KCNJ16: variants seen among roughly 807,000 people sequenced by gnomAD.
KCNJ16 encodes inward rectifier potassium channel 16.
A neutral mutation model predicts 18.5 loss-of-function variants in KCNJ16; 15 were observed. That is an observed-to-expected ratio of 0.81 (90% CI 0.54 to 1.25). KCNJ16 has a LOEUF of 1.25. Among genes scored for constraint, KCNJ16 ranks in the 50% most tolerant of loss-of-function variants. The pLI is 0.00. For synonymous variants in KCNJ16, 174 were observed against 186.5 expected, an observed-to-expected ratio of 0.93 and a Z score of 0.55; for missense variants, 523 against 525.7, an observed-to-expected ratio of 0.99 and a Z score of 0.05.
chr17:70,096,028 G>T (rs1042917195), intron 1 of KCNJ16, among the ~76,000 whole-genome samples: 1 of 151,412 alleles, frequency 6.6e-6, no homozygotes, highest in African/African-American at 2.4e-5. Flanking sequence ...GACTACAGGC[G>T]CCCACCACCA....
chr17:70,085,598 T>A (rs922364676), intron 1 of KCNJ16, among the ~76,000 whole-genome samples: 1 of 152,182 alleles, frequency 6.6e-6, no homozygotes, highest in Non-Finnish European at 1.5e-5. Flanking sequence ...CCTTTGTACA[T>A]AACTCCAAGT....
chr17:70,087,961 A>C (rs2071895076), intron 1 of KCNJ16, among the ~76,000 whole-genome samples: 1 of 140,280 alleles, frequency 7.1e-6, no homozygotes, highest in African/African-American at 2.7e-5. Flanking sequence ...GTTTGCAGTG[A>C]AGCCGAGATA....
chr17:70,126,698 T>C (rs978482405), intron 2 of KCNJ16, among the ~76,000 whole-genome samples: 1 of 152,230 alleles, frequency 6.6e-6, no homozygotes, highest in Non-Finnish European at 1.5e-5. Flanking sequence ...TTAGACTATT[T>C]ATTAGATTGG....
intron 1 of KCNJ16, among the ~76,000 whole-genome samples, chr17:70,076,042 A>G (rs8081626): frequency 0.85 from 129,850 of 151,896 alleles, 55,623 homozygotes; most frequent in East Asian, 0.99. Flanking sequence ...GTGAGCTTGT[A>G]AAACTTTGCT....
chr17:70,117,242 G>C (rs1037624039), intron 2 of KCNJ16, among the ~76,000 whole-genome samples: 1 of 152,144 alleles, frequency 6.6e-6, no homozygotes, highest in African/African-American at 2.4e-5. Flanking sequence ...AAAAGTGGAA[G>C]CTAAACATTG....
At chr17:70,105,319 T>G (rs1201980577) in intron 2 of KCNJ16, among the ~76,000 whole-genome samples, 1 of 152,124 alleles carries the variant, frequency 6.6e-6, no homozygotes, top group Admixed American at 6.6e-5. Context: ...TGCAGATCCA[T>G]TAAGGGAAGT....
rs1332719324 is a variant in KCNJ16, at chr17:70,135,604, A to G, written c.*2260A>G. On this transcript the variant is annotated 3_prime_UTR_variant, in exon 4 of 4. Coordinates refer to ENST00000392671, the MANE Select transcript of KCNJ16 (RefSeq NM_170741.4). ...AATAATAAAGATCTTAAAATAATGCAAAAACTGTGTGCATATACCTATATT... is the reference window on the plus strand; with the variant it reads ...AATAATAAAGATCTTAAAATAATGCGAAAACTGTGTGCATATACCTATATT... 1 of 164,006 alleles carries G rather than the reference A, an allele frequency of 6.1e-6. No individual in the cohort carries two copies. The highest frequency in any genetic ancestry group is 6.5e-5 in the Admixed American group (1 of 15,294). The allele number at this position is 164,006 out of a possible 1,614,324, so 10.2% of individuals were successfully genotyped here.
chr17:70,076,447 TTCAAA>T (rs10534350), intron 1 of KCNJ16, among the ~76,000 whole-genome samples: 129,572 of 151,652 alleles, frequency 0.85, 55,467 homozygotes, highest in East Asian at 0.99. Flanking sequence ...CAGAGTTCAA[TTCAAA>T]TCAAAAGAGA....
chr17:70,076,805 A>C (rs2143489908), intron 1 of KCNJ16, among the ~76,000 whole-genome samples: 1 of 152,326 alleles, frequency 6.6e-6, no homozygotes, highest in African/African-American at 2.4e-5. Flanking sequence ...TTGAGGCAAA[A>C]TATATAAAGG....
chr17:70,083,763 A>G (rs1463803950), intron 1 of KCNJ16, among the ~76,000 whole-genome samples: 1 of 152,166 alleles, frequency 6.6e-6, no homozygotes, highest in African/African-American at 2.4e-5. Context: ...TTGACTTTAC[A>G]CAGTTGGTCA....
rs748004326 is a variant in KCNJ16, at chr17:70,130,960, A to T, written c.-109A>T. 1.3e-6 allele frequency: 2 copies of T among 1,535,428 alleles called. No homozygotes were observed. The highest frequency in any genetic ancestry group is 2.7e-5 in the African/African-American group (2 of 73,022). Reference sequence around the variant, plus strand: ...GGGAAATCCTTTGGCCTATTATACCATGGATGCTAAAAATGGTAAGAGCTG... The same window carrying T: ...GGGAAATCCTTTGGCCTATTATACCTTGGATGCTAAAAATGGTAAGAGCTG... On this transcript the variant is annotated 5_prime_UTR_variant, in exon 3 of 4. It removes an upstream start codon present in the reference 5' UTR. Coordinates refer to ENST00000392671, the MANE Select transcript of KCNJ16 (RefSeq NM_170741.4).
intron 1 of KCNJ16, among the ~76,000 whole-genome samples, chr17:70,084,690 A>G (rs2071715374): frequency 1.3e-5 from 2 of 152,166 alleles, no homozygotes; most frequent in Non-Finnish European, 2.9e-5. Flanking sequence ...CCTTTTGCTC[A>G]TGGAATTATG....
At chr17:70,130,080 A>T (rs1308354003) in intron 2 of KCNJ16, among the ~76,000 whole-genome samples, 1 of 152,152 alleles carries the variant, frequency 6.6e-6, no homozygotes, top group African/African-American at 2.4e-5. Flanking sequence ...ACAAGAAAAT[A>T]ATTGTATCTC....
chr17:70,111,309 G>C (rs926719840), intron 2 of KCNJ16, among the ~76,000 whole-genome samples: 3 of 152,136 alleles, frequency 2.0e-5, no homozygotes, highest in Non-Finnish European at 4.4e-5. Flanking sequence ...TGGCTATTAG[G>C]ATTATGGGAG....
intron 1 of KCNJ16, among the ~76,000 whole-genome samples, chr17:70,092,596 TA>T (rs2072171929): frequency 5.3e-5 from 8 of 151,590 alleles, no homozygotes; most frequent in African/African-American, 9.7e-5. Context: ...GATAGATAGA[TA>T]GATAGATAGA....
intron 2 of KCNJ16, among the ~76,000 whole-genome samples, chr17:70,123,739 A>G (rs1170978883): frequency 2.0e-5 from 3 of 152,314 alleles, no homozygotes; most frequent in African/African-American, 7.2e-5. Context: ...TGAGAATCCA[A>G]GTCTTTGATC....
chr17:70,112,753 A>T (rs2073242789), intron 2 of KCNJ16, among the ~76,000 whole-genome samples: 1 of 152,198 alleles, frequency 6.6e-6, no homozygotes, highest in Non-Finnish European at 1.5e-5. Flanking sequence ...TACAGTTAAA[A>T]TTGTTATAAA....
chr17:70,111,579 G>A (rs909765050), intron 2 of KCNJ16, among the ~76,000 whole-genome samples: 1 of 152,038 alleles, frequency 6.6e-6, no homozygotes, highest in Non-Finnish European at 1.5e-5. Flanking sequence ...GGAAAGGAAT[G>A]GGGTACATAT....
intron 2 of KCNJ16, among the ~76,000 whole-genome samples, chr17:70,118,849 A>G (rs1476643656): frequency 2.0e-5 from 3 of 152,154 alleles, no homozygotes; most frequent in African/African-American, 4.8e-5. Context: ...TCCTTCTCCC[A>G]TTGCAAAATA....
Sources: allele counts gnomAD v4.1 joint callset (sites outside exome capture counted in the v4.1 genomes callset), GRCh38; gene constraint gnomAD v4.1.1; transcripts MANE v1.5; gene names NCBI Gene and HGNC (gene_info 2026-07-23, HGNC 2026-07-21).